The following STAG1 variants were observed in gnomAD, a reference collection of about 807,000 sequenced individuals.
The protein encoded by STAG1 is STAG1 cohesin complex component.
Under a neutral mutation model 170.9 loss-of-function variants are expected in STAG1, and 26 were observed. That is an observed-to-expected ratio of 0.15 (90% CI 0.11 to 0.21). STAG1 has a LOEUF of 0.21. Among genes scored for constraint, STAG1 ranks in the 10% least tolerant of loss-of-function variants. STAG1 has a pLI of 1.00. For missense variants in STAG1, 964 were observed against 1,509.5 expected (o/e 0.64, Z 5.99); for synonymous variants, 514 against 497.7 (o/e 1.03, Z -0.44).
intron 6 of STAG1, among the ~76,000 whole-genome samples, chr3:136,532,308 G>T (rs1485913871): frequency 6.6e-6 from 1 of 152,154 alleles, no homozygotes; most frequent in African/African-American, 2.4e-5. Context: ...CATCAGGGAT[G>T]TTGGCCTGTA....
Position 136,456,749 on chromosome 3 carries a change from C to A in STAG1, c.1314-4602G>T, listed in dbSNP as rs369990405. On this transcript the variant is annotated intron_variant, in intron 13 of 33. Coordinates refer to ENST00000383202, the MANE Select transcript of STAG1 (RefSeq NM_005862.3). ...AAATCAAGGACAAAGAAGAAATATT[C>A]AAAGCATCAAAAGAAAAGAATCATA... Among the ~76,000 whole-genome samples, 14 of 152,214 alleles carry A rather than the reference C, an allele frequency of 9.2e-5. No homozygotes were observed. In the South Asian group the frequency reaches 2.5e-3, roughly 27 times the overall value.
intron 5 of STAG1, among the ~76,000 whole-genome samples, chr3:136,559,120 ACTAC>A (rs61546692): frequency 7.6e-4 from 82 of 108,570 alleles, no homozygotes; most frequent in African/African-American, 2.8e-3. Flanking sequence ...ATAACACTGA[ACTAC>A]CTATCTATCT....
intron 26 of STAG1, among the ~76,000 whole-genome samples, chr3:136,361,548 A>G (rs1240076999): frequency 2.0e-5 from 3 of 152,120 alleles, no homozygotes; most frequent in South Asian, 2.1e-4. Flanking sequence ...ATCTTTGTCA[A>G]TCATTTTCAT....
intron 15 of STAG1, among the ~76,000 whole-genome samples, chr3:136,440,111 A>G (rs2107757489): frequency 6.6e-6 from 1 of 152,186 alleles, no homozygotes; most frequent in Admixed American, 6.5e-5. Context: ...AAAGCAGACC[A>G]TCTTGTCTTG....
At chr3:136,352,094 C>T (rs550779605) in intron 28 of STAG1, among the ~76,000 whole-genome samples, 2 of 151,960 alleles carry the variant, frequency 1.3e-5, no homozygotes, top group African/African-American at 4.8e-5. Context: ...CTCTAGGGGG[C>T]AGATAATTAG....
chr3:136,743,018 C>T (rs34281413), intron 1 of STAG1, among the ~76,000 whole-genome samples: 14,599 of 152,072 alleles, frequency 0.096, 919 homozygotes, highest in Middle Eastern at 0.16. Context: ...CTGACAATTA[C>T]CTCAGTTGGT....
intron 14 of STAG1, among the ~76,000 whole-genome samples, chr3:136,449,314 A>G (rs1219275440): frequency 1.3e-5 from 2 of 152,182 alleles, no homozygotes; most frequent in African/African-American, 4.8e-5. Context: ...TAATCCCAGC[A>G]CTTTGGAAGG....
chr3:136,723,755 G>A (rs1463373321), intron 1 of STAG1, among the ~76,000 whole-genome samples: 1 of 147,180 alleles, frequency 6.8e-6, no homozygotes, highest in African/African-American at 2.5e-5. Flanking sequence ...CCCTCTGCCC[G>A]GCCAGCCGCC....
At chr3:136,679,545 A>G (rs7634476) in intron 1 of STAG1, among the ~76,000 whole-genome samples, 96,960 of 151,826 alleles carry the variant, frequency 0.64, 33,427 homozygotes, top group African/African-American at 0.89. Flanking sequence ...TGGATAACAC[A>G]GTGAAACCCC....
intron 6 of STAG1, 97 bp from the exon 7 acceptor site, chr3:136,521,514 A>C: frequency 9.8e-7 from 1 of 1,016,498 alleles, no homozygotes; most frequent in South Asian, 1.6e-5. Flanking sequence ...CCTTTTTTGC[A>C]AAGCAGTTAT....
At chr3:136,479,076 T>TA (rs1043985762) in intron 9 of STAG1, among the ~76,000 whole-genome samples, 5 of 136,652 alleles carry the variant, frequency 3.7e-5, no homozygotes, top group South Asian at 2.3e-4. Flanking sequence ...TTTTTTTTTT[T>TA]AATTTTTTTT....
chr3:136,564,829 T>C (rs969241501), intron 5 of STAG1, among the ~76,000 whole-genome samples: 1 of 151,760 alleles, frequency 6.6e-6, no homozygotes. Context: ...AAATTAACCA[T>C]GGATTAACAG....
At chr3:136,403,224 T>TAAAAAAAAAAAAAAAAAAAAAAAAAA (rs55678408) in intron 21 of STAG1, among the ~76,000 whole-genome samples, 357 of 33,580 alleles carry the variant, frequency 0.011, no homozygotes, top group Middle Eastern at 0.029. Flanking sequence ...GAGACTGTCT[T>TAAAAAAAAAAAAAAAAAAAAAAAAAA]AAAAAAAAAA....
chr3:136,506,610 C>T (rs974504420), intron 7 of STAG1, among the ~76,000 whole-genome samples: 2 of 142,306 alleles, frequency 1.4e-5, no homozygotes, highest in African/African-American at 2.6e-5. Context: ...TGCACCACTG[C>T]ACTCCAGCCT....
chr3:136,430,172 C>T (rs1404462189), intron 16 of STAG1: 2 of 152,150 alleles, frequency 1.3e-5, no homozygotes, highest in Non-Finnish European at 2.9e-5. Flanking sequence ...TATCTGCTGC[C>T]GAAGTGAGCA....
At chr3:136,713,513 G>A (rs149533738) in intron 1 of STAG1, among the ~76,000 whole-genome samples, 93 of 151,742 alleles carry the variant, frequency 6.1e-4, no homozygotes, top group African/African-American at 2.2e-3. Context: ...AATCCGGGAG[G>A]TGGAAGTTGC....
At chr3:136,358,364 C>T (rs1338792901) in intron 27 of STAG1, among the ~76,000 whole-genome samples, 1 of 152,082 alleles carries the variant, frequency 6.6e-6, no homozygotes, top group East Asian at 1.9e-4. Flanking sequence ...GGATTACAGG[C>T]ATGAGCTACC....
intron 22 of STAG1, among the ~76,000 whole-genome samples, chr3:136,383,798 A>T (rs1036169132): frequency 6.6e-6 from 1 of 151,954 alleles, no homozygotes; most frequent in Non-Finnish European, 1.5e-5. Flanking sequence ...TACTAAAAAT[A>T]CAAAAAATTA....
At chr3:136,566,054 T>A (rs539802949) in intron 5 of STAG1, among the ~76,000 whole-genome samples, 1 of 152,226 alleles carries the variant, frequency 6.6e-6, no homozygotes, top group Non-Finnish European at 1.5e-5. Flanking sequence ...ACCTAACAGG[T>A]ATAGGGTATT....
Sources: gnomAD v4.1 joint callset for allele counts (sites outside exome capture counted in the v4.1 genomes callset) on GRCh38, gnomAD v4.1.1 for gene constraint, MANE v1.5 for transcripts, NCBI Gene and HGNC (gene_info 2026-07-23, HGNC 2026-07-21) for gene names.